Variants in YWHAE observed in about 807,000 individuals in gnomAD.
YWHAE encodes tyrosine 3-monooxygenase/tryptophan 5-monooxygenase activation protein epsilon, also known as 14-3-3 protein epsilon.
YWHAE carries 4 observed loss-of-function variants against 30.1 expected under a neutral mutation model. The observed-to-expected ratio is 0.13, with a 90% CI of 0.07 to 0.30. YWHAE has a LOEUF of 0.30. YWHAE is among the 10% of genes least tolerant of loss of function. The pLI, the probability that YWHAE is intolerant of heterozygous loss-of-function variation, is 1.00. For missense variants in YWHAE, 121 were observed against 315.9 expected (o/e 0.38, Z 4.68); for synonymous variants, 118 against 111.8 (o/e 1.06, Z -0.35).
intron 1 of YWHAE, among the ~76,000 whole-genome samples, chr17:1,395,093 G>GAA (rs559792867): frequency 1.2e-4 from 18 of 145,230 alleles, no homozygotes; most frequent in Middle Eastern, 3.6e-3. Context: ...AGTCATCCAT[G>GAA]AAAAAAAAAA....
At chr17:1,377,816 A>G (rs1398460311) in intron 1 of YWHAE, among the ~76,000 whole-genome samples, 1 of 152,202 alleles carries the variant, frequency 6.6e-6, no homozygotes, top group Non-Finnish European at 1.5e-5. Flanking sequence ...TGGGAGGCCG[A>G]GGCAGGTGGA....
At chr17:1,392,674 ACT>A (rs1452443071) in intron 1 of YWHAE, among the ~76,000 whole-genome samples, 2 of 151,710 alleles carry the variant, frequency 1.3e-5, no homozygotes, top group South Asian at 2.1e-4. Context: ...ATATGGTGAA[ACT>A]CTGTCTCTAC....
chr17:1,377,659 G>C (rs1399646634), intron 1 of YWHAE, among the ~76,000 whole-genome samples: 1 of 152,074 alleles, frequency 6.6e-6, no homozygotes, highest in East Asian at 1.9e-4. Flanking sequence ...AAGGTCCTGA[G>C]CTTGCTTTAT....
At chr17:1,393,877 T>C (rs999655232) in intron 1 of YWHAE, among the ~76,000 whole-genome samples, 12 of 152,210 alleles carry the variant, frequency 7.9e-5, no homozygotes, top group Non-Finnish European at 1.6e-4. Flanking sequence ...TCGCTGTGCC[T>C]TGAGATGGGA....
intron 1 of YWHAE, among the ~76,000 whole-genome samples, chr17:1,383,088 C>T (rs1266730474): frequency 1.3e-5 from 2 of 150,406 alleles, no homozygotes; most frequent in Non-Finnish European, 3.0e-5. Flanking sequence ...TGGTGGCTCA[C>T]GCCTGTAATC....
At chr17:1,380,938 A>G (rs2073196963) in intron 1 of YWHAE, among the ~76,000 whole-genome samples, 1 of 152,202 alleles carries the variant, frequency 6.6e-6, no homozygotes, top group Non-Finnish European at 1.5e-5. Flanking sequence ...CAATTCCTGT[A>G]TTATACAAGC....
chr17:1,395,272 A>G (rs2073451697), intron 1 of YWHAE, among the ~76,000 whole-genome samples: 1 of 152,158 alleles, frequency 6.6e-6, no homozygotes, highest in East Asian at 1.9e-4. Flanking sequence ...TCACACCTGT[A>G]ATCCCAGCAG....
chr17:1,355,259 C>A (rs1416130549), intron 4 of YWHAE, among the ~76,000 whole-genome samples: 12 of 142,376 alleles, frequency 8.4e-5, no homozygotes, highest in Non-Finnish European at 1.8e-4. Flanking sequence ...TGGGTTCACA[C>A]CATTATCCTG....
At chr17:1,373,418 C>T (rs570176551) in intron 1 of YWHAE, among the ~76,000 whole-genome samples, 34 of 152,142 alleles carry the variant, frequency 2.2e-4, no homozygotes, top group African/African-American at 6.0e-4. Context: ...GTAATCCCAG[C>T]GCTTTGGGAG....
At chr17:1,396,436 A>G (rs557222949) in intron 1 of YWHAE, among the ~76,000 whole-genome samples, 11 of 152,282 alleles carry the variant, frequency 7.2e-5, no homozygotes, top group Admixed American at 3.9e-4. Flanking sequence ...AAGAAAAAAA[A>G]GACAGCTCTC....
chr17:1,355,157 T>A (rs2072717686), intron 4 of YWHAE, among the ~76,000 whole-genome samples: 1 of 27,434 alleles, frequency 3.6e-5, no homozygotes, highest in Non-Finnish European at 7.3e-5. Context: ...AATTTTTTTT[T>A]TTTTTTTTTT....
intron 5 of YWHAE, among the ~76,000 whole-genome samples, chr17:1,346,938 C>G (rs1746122049): frequency 6.7e-6 from 1 of 149,696 alleles, no homozygotes; most frequent in Admixed American, 6.7e-5. Context: ...TTGCAGCGAG[C>G]CAAGAACATG....
chr17:1,364,820 A>C, intron 2 of YWHAE, 39 bp downstream of exon 2: 1 of 1,613,326 alleles, frequency 6.2e-7, no homozygotes, highest in Non-Finnish European at 8.5e-7. Context: ...AGGTAACTCA[A>C]ACTGTGGATA....
chr17:1,388,101 G>GTTT lies in YWHAE; in HGVS notation c.64+11943_64+11945dup, dbSNP rs1291752445. On this transcript the variant is annotated intron_variant, in intron 1 of 5. Coordinates refer to ENST00000264335, the MANE Select transcript of YWHAE (RefSeq NM_006761.5). Reference sequence around the variant, plus strand: ...CCACCACCACGCCTGGGTAATTTTTGTTTTTTTTTTTGGTTGGTTTTTTTT... The same window carrying GTTT: ...CCACCACCACGCCTGGGTAATTTTTGTTTTTTTTTTTTTTGGTTGGTTTTTTTT... 1.1e-3 allele frequency among the ~76,000 whole-genome samples: 71 copies of GTTT among 62,356 alleles called. 1 individual carries two copies. Among genetic ancestry groups the GTTT allele is most frequent in the Non-Finnish European group, 1.7e-3 (62 of 36,324 alleles). 40.9% of individuals were successfully genotyped at this position (62,356 alleles called of 152,430 possible).
intron 5 of YWHAE, among the ~76,000 whole-genome samples, chr17:1,346,706 G>A (rs540486215): frequency 1.2e-4 from 19 of 152,274 alleles, no homozygotes; most frequent in African/African-American, 4.1e-4. Flanking sequence ...TGAACATAAC[G>A]CCGGGCACGG....
chr17:1,375,890 C>CCATTT (rs1014960244), intron 1 of YWHAE, among the ~76,000 whole-genome samples: 3 of 152,134 alleles, frequency 2.0e-5, no homozygotes, highest in African/African-American at 7.2e-5. Flanking sequence ...ATAAAACACC[C>CCATTT]CATTTCAACT....
rs1555648140 is a variant in YWHAE at position 1,398,343 on chromosome 17, C to CA, written c.64+1703_64+1704insT. Among the ~76,000 whole-genome samples the CA allele has an allele frequency of 6.8e-4, 102 of 149,628 alleles. 1 individual carries two copies. In the East Asian group the frequency reaches 0.019, roughly 28 times the overall value. ...GTACTTCCCCATCTTATCCCCCCCC[C>CA]CAACAGGAACCTTGTTGAATACAAA... On this transcript the variant is annotated intron_variant, in intron 1 of 5. Coordinates refer to ENST00000264335, the MANE Select transcript of YWHAE (RefSeq NM_006761.5).
chr17:1,355,926 T>C (rs1426372091), intron 4 of YWHAE, among the ~76,000 whole-genome samples: 3 of 151,896 alleles, frequency 2.0e-5, no homozygotes, highest in Non-Finnish European at 2.9e-5. Context: ...CCCAGCACTT[T>C]GGGAGGCAGA....
At chr17:1,355,526 G>A (rs2072726185) in intron 4 of YWHAE, among the ~76,000 whole-genome samples, 1 of 151,284 alleles carries the variant, frequency 6.6e-6, no homozygotes, top group East Asian at 1.9e-4. Flanking sequence ...GTTAATGGAG[G>A]CAGGGAAGCA....
Sources: allele counts gnomAD v4.1 joint callset (sites outside exome capture counted in the v4.1 genomes callset), GRCh38; gene constraint gnomAD v4.1.1; transcripts MANE v1.5; gene names NCBI Gene and HGNC (gene_info 2026-07-23, HGNC 2026-07-21).